The following AATF variants were observed in gnomAD, a reference collection of about 807,000 sequenced individuals.
AATF encodes protein AATF.
A neutral mutation model predicts 63.7 loss-of-function variants in AATF; 48 were observed. That is an observed-to-expected ratio of 0.75 (90% CI 0.60 to 0.96). AATF has a LOEUF of 0.96. Ranked by LOEUF, AATF falls within the 40% of genes least tolerant of loss-of-function variation. AATF has a pLI of 0.00. For missense variants in AATF, 639 were observed against 685.7 expected (o/e 0.93, Z 0.76); for synonymous variants, 258 against 247.7 (o/e 1.04, Z -0.39).
chr17:37,012,155 C>T (rs948453874), intron 8 of AATF, among the ~76,000 whole-genome samples: 40 of 151,856 alleles, frequency 2.6e-4, no homozygotes, highest in Non-Finnish European at 5.3e-4. Context: ...TGGGTTCAAG[C>T]GATTTCTCCT....
rs754559104 is a variant in AATF, at chr17:36,988,665, G to T, written c.1094G>T (p.Arg365Leu). ...RFADFTVYRN[R>L]TLQKWHDKTK... ...GCCGACTTTACAGTCTACAGGAACCGCACACTTCAGAAATGGCACGATAAG... is the reference window on the plus strand; with the variant it reads ...GCCGACTTTACAGTCTACAGGAACCTCACACTTCAGAAATGGCACGATAAG... The change falls in exon 6 of 12, where the codon CGC (arginine) becomes CTC (leucine). Residue 365 changes from arginine to leucine, a missense_variant. Coordinates refer to ENST00000619387, the MANE Select transcript of AATF (RefSeq NM_012138.4). 139 of 1,614,010 alleles carry T rather than the reference G, an allele frequency of 8.6e-5. No individual in the cohort carries two copies. Among genetic ancestry groups the T allele is most frequent in the Non-Finnish European group, 1.1e-4 (134 of 1,179,992 alleles).
intron 8 of AATF, among the ~76,000 whole-genome samples, chr17:37,010,704 G>A (rs2071383898): frequency 6.6e-6 from 1 of 152,206 alleles, no homozygotes. Flanking sequence ...CCCTCAGGAA[G>A]AGAAGATGAA....
At position 36,953,124 on chromosome 17, in the gene AATF, A is replaced by G. The variant is rs1202332071; in HGVS notation, c.522A>G (p.Glu174=). ...ACCTTGGGAGCAGTGAGGAGGAGGA[A>G]GACGAAGAGAGTGGCATGGAAGAAG... ...MDDLGSSEEE[E]DEESGMEEGD... is the part of the protein sequence containing the mutation. Residue 174 remains glutamate, a synonymous_variant, in exon 3 of 12, where the codon GAA becomes GAG. Coordinates refer to ENST00000619387, the MANE Select transcript of AATF (RefSeq NM_012138.4). 5.0e-6 allele frequency: 8 copies of G among 1,614,062 alleles called. No homozygotes were observed. The Admixed American group carries it at 1.3e-4, about 27-fold the overall frequency.
At chr17:37,017,381 A>G (rs2071436507) in intron 8 of AATF, among the ~76,000 whole-genome samples, 1 of 151,938 alleles carries the variant, frequency 6.6e-6, no homozygotes, top group Non-Finnish European at 1.5e-5. Flanking sequence ...TGCTTTTGAC[A>G]GAATATTGAC....
At chr17:36,990,984 C>T (rs879745309) in intron 8 of AATF, 127 bp downstream of exon 8, 67 of 564,504 alleles carry the variant, frequency 1.2e-4, no homozygotes, top group Non-Finnish European at 1.7e-4. Context: ...AGAACTCCCG[C>T]GTTCAAAATT....
At chr17:36,973,390 G>A (rs546500585) in intron 4 of AATF, among the ~76,000 whole-genome samples, 2 of 152,202 alleles carry the variant, frequency 1.3e-5, no homozygotes, top group South Asian at 4.1e-4. Context: ...CGTTGCTCTT[G>A]GCCACACTGC....
At chr17:37,022,143 TGTGTGTGTGA>T (rs932966211) in intron 10 of AATF, among the ~76,000 whole-genome samples, 17 of 149,824 alleles carry the variant, frequency 1.1e-4, no homozygotes, top group African/African-American at 2.7e-4. Context: ...TGTGTGTGTG[TGTGTGTGTGA>T]GAAACACAGT....
chr17:36,960,969 A>G (rs1315974255), intron 4 of AATF, among the ~76,000 whole-genome samples: 1 of 152,230 alleles, frequency 6.6e-6, no homozygotes, highest in East Asian at 1.9e-4. Context: ...GATTAGCTGT[A>G]ATCCTACTGC....
rs190563697 is a variant in AATF at position 36,958,578 on chromosome 17, A to C, written c.832+4671A>C. Among the ~76,000 whole-genome samples, 5 of 152,314 alleles carry C rather than the reference A, an allele frequency of 3.3e-5. No homozygotes were observed. In the East Asian group the frequency reaches 9.6e-4, roughly 29 times the overall value. On this transcript the variant is annotated intron_variant, in intron 4 of 11. Coordinates refer to ENST00000619387, the MANE Select transcript of AATF (RefSeq NM_012138.4). ...GGAAATCTCACCATGAGTTATTTAA[A>C]ACTTTTCATTATGGGATATATCAAA...
rs1168773799 is a variant in AATF, at chr17:36,968,266, CTTTCTTTTTTTTT to C, written c.832+14363_832+14375del. Among the ~76,000 whole-genome samples the C allele has an allele frequency of 1.9e-3, 141 of 75,578 alleles. 11 individuals carry two copies. Among genetic ancestry groups the C allele is most frequent in the African/African-American group, 4.8e-3 (88 of 18,498 alleles). 49.6% of individuals were successfully genotyped at this position (75,578 alleles called of 152,430 possible). A position where few individuals can be genotyped will look rare whatever the true frequency, so the allele number is the denominator to read the frequency against. ...CTTTTTTCTTTTTCTTTCTTTCCTT[CTTTCTTTTTTTTT>C]TTTTTTTTTTTTTTTTTTTTTGAGA... On this transcript the variant is annotated intron_variant, in intron 4 of 11. Coordinates refer to ENST00000619387, the MANE Select transcript of AATF (RefSeq NM_012138.4).
intron 8 of AATF, among the ~76,000 whole-genome samples, chr17:36,994,992 A>G (rs1444602905): frequency 6.6e-6 from 1 of 152,224 alleles, no homozygotes; most frequent in Non-Finnish European, 1.5e-5. Context: ...TCTTCTTTTC[A>G]TATCCCAGAT....
intron 8 of AATF, among the ~76,000 whole-genome samples, chr17:37,006,410 G>A (rs1054252519): frequency 6.6e-6 from 1 of 151,964 alleles, no homozygotes; most frequent in Admixed American, 6.6e-5. Flanking sequence ...CTGAGATTTC[G>A]GTGAGCTGAG....
intron 8 of AATF, among the ~76,000 whole-genome samples, chr17:37,000,457 A>G (rs958838658): frequency 1.3e-5 from 2 of 152,076 alleles, no homozygotes; most frequent in African/African-American, 2.4e-5. Flanking sequence ...CTGTGGACCT[A>G]TGTTGGCTTT....
At chr17:36,986,470 C>G (rs867705601) in intron 4 of AATF, 147 bp from the exon 5 acceptor site, 7 of 630,128 alleles carry the variant, frequency 1.1e-5, no homozygotes, top group Middle Eastern at 2.5e-4. Context: ...GGGAATATTT[C>G]AGAGAGTATT....
At chr17:36,950,530 G>T (rs763295459) in intron 2 of AATF, 125 bp downstream of exon 2, 6 of 1,001,704 alleles carry the variant, frequency 6.0e-6, no homozygotes, top group Non-Finnish European at 8.6e-6. Flanking sequence ...ACAGAGTTTG[G>T]CTCTTGTTGC....
chr17:37,017,145 C>T (rs188947573), intron 8 of AATF, among the ~76,000 whole-genome samples: 40 of 152,284 alleles, frequency 2.6e-4, no homozygotes, highest in Non-Finnish European at 5.0e-4. Context: ...CTGGGGCAGC[C>T]TTCCATGAGC....
At chr17:36,998,440 A>G (rs2071270896) in intron 8 of AATF, among the ~76,000 whole-genome samples, 1 of 152,152 alleles carries the variant, frequency 6.6e-6, no homozygotes, top group Non-Finnish European at 1.5e-5. Flanking sequence ...TTTCTGACAC[A>G]TTATACTCCC....
chr17:36,980,727 T>C (rs1463059088), intron 4 of AATF, among the ~76,000 whole-genome samples: 1 of 152,130 alleles, frequency 6.6e-6, no homozygotes, highest in African/African-American at 2.4e-5. Context: ...AGCTCTGGCT[T>C]GGAGGAGGCT....
In AATF at chr17:36,968,270, CTTTTTTTTTTTTTT is replaced by C. The variant is rs3049638; in HGVS notation, c.832+14380_832+14393del. ...TTTCTTTTTCTTTCTTTCCTTCTTT[CTTTTTTTTTTTTTT>C]TTTTTTTTTTTTTTTTGAGATAGGC... is the stretch of plus-strand genomic sequence containing the variant. On this transcript the variant is annotated intron_variant, in intron 4 of 11. Transcript: ENST00000619387. 1.7e-4 allele frequency among the ~76,000 whole-genome samples: 4 copies of C among 23,764 alleles called. 1 individual carries two copies. The highest frequency in any genetic ancestry group is 6.8e-4 in the Admixed American group (1 of 1,470). The allele number at this position is 23,764 out of a possible 152,430, so 15.6% of individuals were successfully genotyped here. A position where few individuals can be genotyped will look rare whatever the true frequency, so the allele number is the denominator to read the frequency against.
Sources: gnomAD v4.1 joint callset for allele counts (sites outside exome capture counted in the v4.1 genomes callset) on GRCh38, gnomAD v4.1.1 for gene constraint, MANE v1.5 for transcripts, NCBI Gene and HGNC (gene_info 2026-07-23, HGNC 2026-07-21) for gene names.